The following CSMD1 variants were observed in gnomAD, a reference collection of about 807,000 sequenced individuals.
The protein encoded by CSMD1 is CUB and sushi domain-containing protein 1.
A neutral mutation model predicts 417.5 loss-of-function variants in CSMD1; 213 were observed. The ratio of observed to expected loss-of-function variants is 0.51; its 90% CI spans 0.46 to 0.57. The LOEUF (loss-of-function observed/expected upper bound fraction) is 0.57, where lower values mean the gene tolerates loss of function less well. Among genes scored for constraint, CSMD1 ranks in the 20% least tolerant of loss-of-function variants. CSMD1 has a pLI of 0.00. For missense variants in CSMD1, 6,923 were observed against 4,529.7 expected, an observed-to-expected ratio of 1.53 and a Z score of -15.17; for synonymous variants, 2,862 against 1,736.8, an observed-to-expected ratio of 1.65 and a Z score of -16.11.
chr8:4,193,166 T>C (rs953523128), intron 3 of CSMD1, among the ~76,000 whole-genome samples: 12 of 152,310 alleles, frequency 7.9e-5, no homozygotes, highest in African/African-American at 2.4e-4. Context: ...CCCAGTACCA[T>C]GCATTTAACC....
At chr8:4,533,633 T>A (rs1253729750) in intron 2 of CSMD1, among the ~76,000 whole-genome samples, 1 of 152,020 alleles carries the variant, frequency 6.6e-6, no homozygotes, top group African/African-American at 2.4e-5. Flanking sequence ...ATGATGAAGA[T>A]CTGGCAGACC....
intron 7 of CSMD1, chr8:3,700,744 C>T (rs748835399): frequency 6.6e-6 from 1 of 152,160 alleles, no homozygotes; most frequent in African/African-American, 2.4e-5. Context: ...GTTGAGTGTC[C>T]AATGTCCTCA....
chr8:2,964,665 C>A (rs1181580796), intron 59 of CSMD1, among the ~76,000 whole-genome samples: 2 of 152,220 alleles, frequency 1.3e-5, no homozygotes, highest in Non-Finnish European at 2.9e-5. Flanking sequence ...CAACGTAGTG[C>A]ATTTTCATTC....
intron 2 of CSMD1, among the ~76,000 whole-genome samples, chr8:4,594,639 T>G (rs1235451512): frequency 2.0e-5 from 3 of 152,190 alleles, no homozygotes; most frequent in Non-Finnish European, 4.4e-5. Context: ...ACCTGGTCTT[T>G]CAACTTCAAA....
intron 1 of CSMD1, among the ~76,000 whole-genome samples, chr8:4,944,406 G>A (rs1258962753): frequency 6.6e-6 from 1 of 152,090 alleles, no homozygotes; most frequent in East Asian, 1.9e-4. Flanking sequence ...ATGGTTGTAG[G>A]AATTCTCTTG....
chr8:3,309,300 C>G (rs771160075), intron 23 of CSMD1, among the ~76,000 whole-genome samples: 2 of 151,750 alleles, frequency 1.3e-5, no homozygotes, highest in Admixed American at 1.3e-4. Flanking sequence ...TTCCAAACTC[C>G]AAGATGTCAA....
chr8:3,225,629 G>C (rs574932220), intron 27 of CSMD1, among the ~76,000 whole-genome samples: 33 of 152,252 alleles, frequency 2.2e-4, no homozygotes, highest in African/African-American at 6.7e-4. Flanking sequence ...TGGCTACAGG[G>C]TGCTACCAGC....
rs564353337 is a variant in CSMD1, at chr8:4,031,105, T to C, written c.610+800A>G. Among the ~76,000 whole-genome samples the C allele has an allele frequency of 3.9e-5, 6 of 152,310 alleles. No homozygotes were observed. The South Asian group carries it at 1.2e-3, about 32-fold the overall frequency. On this transcript the variant is annotated intron_variant, in intron 4 of 69. Coordinates refer to ENST00000635120, the MANE Select transcript of CSMD1 (RefSeq NM_033225.6). ...TTCCAAAACTTCCCACATTTTCCTG[T>C]CTCCTTCTGAGTCCTCCAAACTGTT...
chr8:4,901,602 T>G (rs1406770311), intron 1 of CSMD1, among the ~76,000 whole-genome samples: 1 of 152,230 alleles, frequency 6.6e-6, no homozygotes, highest in African/African-American at 2.4e-5. Context: ...GACACTTCTA[T>G]TAGCCTTTGT....
At chr8:4,390,509 A>ATTTATTTATTTATTTATTTC (rs1803775158) in intron 3 of CSMD1, among the ~76,000 whole-genome samples, 1 of 147,222 alleles carries the variant, frequency 6.8e-6, no homozygotes. Flanking sequence ...TTATTTATTT[A>ATTTATTTATTTATTTATTTC]TTTATTTATT....
intron 12 of CSMD1, among the ~76,000 whole-genome samples, chr8:3,432,343 C>G (rs1453069117): frequency 2.6e-5 from 4 of 152,010 alleles, no homozygotes; most frequent in Admixed American, 1.3e-4. Flanking sequence ...GTGTTTACTC[C>G]TTAGCATTGT....
At chr8:3,669,136 C>CA (rs2048653333) in intron 7 of CSMD1, among the ~76,000 whole-genome samples, 1 of 152,158 alleles carries the variant, frequency 6.6e-6, no homozygotes, top group African/African-American at 2.4e-5. Context: ...CCCTCAAGGG[C>CA]AGAATGGTTA....
chr8:3,995,812 G>C (rs138994938), intron 5 of CSMD1, among the ~76,000 whole-genome samples: 34 of 152,280 alleles, frequency 2.2e-4, no homozygotes, highest in African/African-American at 7.5e-4. Context: ...TATTTGAAGA[G>C]AGCAGCTAAG....
chr8:4,240,995 C>T (rs1217909163), intron 3 of CSMD1, among the ~76,000 whole-genome samples: 4 of 152,144 alleles, frequency 2.6e-5, no homozygotes, highest in Admixed American at 2.0e-4. Flanking sequence ...TTCCAGCCAA[C>T]GTCTCAGTGA....
chr8:3,424,303 T>C (rs1315985590), intron 12 of CSMD1, among the ~76,000 whole-genome samples: 4 of 152,192 alleles, frequency 2.6e-5, no homozygotes, highest in African/African-American at 9.6e-5. Flanking sequence ...GTTTAGTCTA[T>C]TAATTTTGAG....
At chr8:4,110,464 A>C (rs1285455905) in intron 3 of CSMD1, among the ~76,000 whole-genome samples, 1 of 152,134 alleles carries the variant, frequency 6.6e-6, no homozygotes, top group Admixed American at 6.5e-5. Context: ...GATCCCTCTC[A>C]TAAATACTCC....
chr8:3,684,841 C>T (rs1799865153), intron 7 of CSMD1, among the ~76,000 whole-genome samples: 1 of 152,080 alleles, frequency 6.6e-6, no homozygotes, highest in South Asian at 2.1e-4. Flanking sequence ...ATTTCCATCA[C>T]GACTCTTATT....
At chr8:4,489,204 A>C (rs898495022) in intron 2 of CSMD1, among the ~76,000 whole-genome samples, 1 of 152,172 alleles carries the variant, frequency 6.6e-6, no homozygotes, top group Non-Finnish European at 1.5e-5. Flanking sequence ...GACACACTGC[A>C]CCCAGTCTAC....
intron 7 of CSMD1, among the ~76,000 whole-genome samples, chr8:3,658,482 T>TATATATATATATATATATATATATATATA (rs1798242078): frequency 2.7e-5 from 2 of 72,984 alleles, no homozygotes; most frequent in Non-Finnish European, 7.2e-5. Flanking sequence ...ATATATATAT[T>TATATATATATATATATATATATATATATA]TAATTTAAAG....
Sources: gnomAD v4.1 joint callset for allele counts (sites outside exome capture counted in the v4.1 genomes callset) on GRCh38, gnomAD v4.1.1 for gene constraint, MANE v1.5 for transcripts, NCBI Gene and HGNC (gene_info 2026-07-23, HGNC 2026-07-21) for gene names.